The following PIEZO2 variants were observed in gnomAD, a reference collection of about 807,000 sequenced individuals.
PIEZO2 encodes piezo type mechanosensitive ion channel component 2.
A neutral mutation model predicts 337.3 loss-of-function variants in PIEZO2; 172 were observed. The observed-to-expected ratio is 0.51, with a 90% confidence interval of 0.45 to 0.58. PIEZO2 has a LOEUF of 0.58. Ranked by LOEUF, PIEZO2 falls within the 20% of genes least tolerant of loss-of-function variation. PIEZO2 has a pLI of 0.00. For missense variants in PIEZO2, 3,028 were observed against 3,391.3 expected (o/e 0.89, Z 2.66); for synonymous variants, 1,251 against 1,228.5 (o/e 1.02, Z -0.38).
intron 12 of PIEZO2, among the ~76,000 whole-genome samples, chr18:10,796,927 T>C (rs983566896): frequency 3.9e-5 from 6 of 152,180 alleles, no homozygotes; most frequent in Non-Finnish European, 8.8e-5. Flanking sequence ...CCATCATATA[T>C]GTACTATCAT....
chr18:10,721,538 T>C (rs1376994057), intron 36 of PIEZO2, among the ~76,000 whole-genome samples: 1 of 151,740 alleles, frequency 6.6e-6, no homozygotes, highest in Non-Finnish European at 1.5e-5. Context: ...GATCCAAACA[T>C]TCCGGAAGGA....
chr18:10,691,782 C>CATATATAT (rs33977962), intron 47 of PIEZO2, among the ~76,000 whole-genome samples: 6 of 96,588 alleles, frequency 6.2e-5, no homozygotes, highest in Admixed American at 1.1e-4. Flanking sequence ...CACACACACA[C>CATATATAT]ATATATATAT....
chr18:11,106,814 G>A (rs1344962884), intron 1 of PIEZO2, among the ~76,000 whole-genome samples: 5 of 150,626 alleles, frequency 3.3e-5, no homozygotes, highest in Non-Finnish European at 7.4e-5. Context: ...AAACCTCCTT[G>A]GAAAGAAATG....
chr18:11,108,539 G>A lies in PIEZO2; in HGVS notation c.64+39986C>T, dbSNP rs866144956. Among the ~76,000 whole-genome samples, 50 of 149,674 alleles carry A rather than the reference G, an allele frequency of 3.3e-4. 1 individual carries two copies. The South Asian group carries it at 1.0e-2, about 30-fold the overall frequency. On this transcript the variant is annotated intron_variant, in intron 1 of 55. Coordinates refer to ENST00000674853, the MANE Select transcript of PIEZO2 (RefSeq NM_001378183.1). ...TGAGGCAGGAGAATGGCTTGAACCC[G>A]GGAGGCGGAGTTTGCAGTGAGCTGA...
chr18:11,009,064 T>C lies in PIEZO2; in HGVS notation c.161-29404A>G, dbSNP rs1179522734. Among the ~76,000 whole-genome samples the C allele has an allele frequency of 2.6e-5, 4 of 152,232 alleles. No homozygotes were observed. The highest frequency in any genetic ancestry group is 7.2e-5 in the African/African-American group (3 of 41,460). ...GTCTTGAAGATTGAATTCTGTTACT[T>C]AACTACGTACGTGATTGTGTTCAAA... is the stretch of plus-strand genomic sequence containing the variant. On this transcript the variant is annotated intron_variant, in intron 2 of 55. Transcript: ENST00000674853. The surrounding 1 kb of genome is among the most constrained non-coding windows in gnomAD (Gnocchi z 4.6).
intron 42 of PIEZO2, among the ~76,000 whole-genome samples, chr18:10,703,050 T>C (rs56103852): frequency 0.3 from 44,945 of 152,032 alleles, 6,825 homozygotes; most frequent in East Asian, 0.4. Flanking sequence ...AATGGGGTCG[T>C]GCTATGTTGC....
At position 10,903,018 on chromosome 18, in the gene PIEZO2, C is replaced by A. The variant is rs553200361; in HGVS notation, c.329+8168G>T. Among the ~76,000 whole-genome samples, 16 of 152,212 alleles carry A rather than the reference C, an allele frequency of 1.1e-4. No individual in the cohort carries two copies. In the South Asian group the frequency reaches 3.3e-3, roughly 32 times the overall value. On this transcript the variant is annotated intron_variant, in intron 4 of 55. Transcript: ENST00000674853. This position sits in a 1 kb window ranked among gnomAD's most constrained non-coding sequence, Gnocchi z 4.1. ...ACTGATGGGCAACAGGGCTTTTATC[C>A]CCAGCCTTTCCAGGCTGCCCCGGGG...
chr18:10,707,565 T>C lies in PIEZO2; in HGVS notation c.5588+710A>G, dbSNP rs1398868680. 6.6e-6 allele frequency among the ~76,000 whole-genome samples: 1 copy of C among 152,208 alleles called. No homozygotes were observed. Among genetic ancestry groups the C allele is most frequent in the Non-Finnish European group, 1.5e-5 (1 of 68,030 alleles). ...CACAGTGTAGCTGCTGACTTCATTG[T>C]GCCCCCTCACCATCCTAAGGCAATT... On this transcript the variant is annotated intron_variant, in intron 40 of 55. Coordinates refer to ENST00000674853, the MANE Select transcript of PIEZO2 (RefSeq NM_001378183.1). The surrounding 1 kb of genome is among the most constrained non-coding windows in gnomAD (Gnocchi z 4.2).
intron 3 of PIEZO2, among the ~76,000 whole-genome samples, chr18:10,974,816 G>A (rs1308234834): frequency 1.3e-5 from 2 of 152,204 alleles, no homozygotes; most frequent in African/African-American, 2.4e-5. Context: ...ATAGCCCTCC[G>A]TGGCAAGGTT....
At chr18:10,879,139 A>ACT (rs1322507882) in intron 4 of PIEZO2, among the ~76,000 whole-genome samples, 1 of 152,226 alleles carries the variant, frequency 6.6e-6, no homozygotes, top group Non-Finnish European at 1.5e-5. Context: ...ATAAGTATAC[A>ACT]CTACAGGGCA....
chr18:11,074,892 T>C (rs1322902178), intron 1 of PIEZO2, among the ~76,000 whole-genome samples: 4 of 152,206 alleles, frequency 2.6e-5, no homozygotes, highest in African/African-American at 7.2e-5. Context: ...TTTTAGATTA[T>C]GCTATTAAAG....
chr18:10,771,864 GGTCA>G (rs2038614678), intron 20 of PIEZO2, among the ~76,000 whole-genome samples: 1 of 152,136 alleles, frequency 6.6e-6, no homozygotes, highest in African/African-American at 2.4e-5. Flanking sequence ...CCTGCCCAGT[GGTCA>G]GTCAATTAAT....
chr18:10,837,131 A>G lies in PIEZO2; in HGVS notation c.917+18222T>C, dbSNP rs113208794. Reference sequence around the variant, plus strand: ...ACAGGGATTGCTCACAACTCTTTCCATGCCAAGAAGCATGTGAGGAGGAGG... The same window carrying G: ...ACAGGGATTGCTCACAACTCTTTCCGTGCCAAGAAGCATGTGAGGAGGAGG... On this transcript the variant is annotated intron_variant, in intron 7 of 55. Coordinates refer to ENST00000674853, the MANE Select transcript of PIEZO2 (RefSeq NM_001378183.1). This position sits in a 1 kb window ranked among gnomAD's most constrained non-coding sequence, Gnocchi z 4.4. 0.027 allele frequency among the ~76,000 whole-genome samples: 4,122 copies of G among 152,288 alleles called. 201 individuals carry two copies. Among genetic ancestry groups the G allele is most frequent in the African/African-American group, 0.094 (3,905 of 41,556 alleles).
chr18:10,721,532 C>T (rs904787100), intron 36 of PIEZO2, among the ~76,000 whole-genome samples: 8 of 151,890 alleles, frequency 5.3e-5, no homozygotes, highest in South Asian at 2.1e-4. Flanking sequence ...TGTTCTGATC[C>T]AAACATTCCG....
At chr18:10,761,325 T>C (rs542028383) in intron 23 of PIEZO2, among the ~76,000 whole-genome samples, 32 of 152,370 alleles carry the variant, frequency 2.1e-4, no homozygotes, top group South Asian at 8.3e-4. Context: ...TCATAGGATC[T>C]AGAATCTCCA....
rs1325448077 is a variant in PIEZO2, at chr18:11,035,301, TTCTCTCTCTCTCCCTCTCTCTC to T, written c.160+30804_160+30825del. Among the ~76,000 whole-genome samples, 1 of 138,812 alleles carries T rather than the reference TTCTCTCTCTCTCCCTCTCTCTC, an allele frequency of 7.2e-6. No homozygotes were observed. Among genetic ancestry groups the T allele is most frequent in the African/African-American group, 2.9e-5 (1 of 34,580 alleles). The allele number at this position is 138,812 out of a possible 152,430, so 91.1% of individuals were successfully genotyped here. A position where few individuals can be genotyped will look rare whatever the true frequency, so the allele number is the denominator to read the frequency against. ...CTGGTTGTTTAAAAAGCCTGGCACC[TTCTCTCTCTCTCCCTCTCTCTC>T]TCTCTCTCTCTTTCTCTCTCTCTCA... On this transcript the variant is annotated intron_variant, in intron 2 of 55. Coordinates refer to ENST00000674853, the MANE Select transcript of PIEZO2 (RefSeq NM_001378183.1). This position sits in a 1 kb window ranked among gnomAD's most constrained non-coding sequence, Gnocchi z 4.3.
Position 10,937,663 on chromosome 18 carries a change from TC to T in PIEZO2, c.287-26436del, listed in dbSNP as rs138249390. Among the ~76,000 whole-genome samples the T allele has an allele frequency of 4.5e-3, 678 of 152,304 alleles. 1 individual carries two copies. Among genetic ancestry groups the T allele is most frequent in the Non-Finnish European group, 8.0e-3 (546 of 68,026 alleles). ...CCACAAAATTGGATTTTTTCTTCATTCCTCTCATTCCCCTAATGCTTTGTCT... is the reference window on the plus strand; with the variant it reads ...CCACAAAATTGGATTTTTTCTTCATTCTCTCATTCCCCTAATGCTTTGTCT... On this transcript the variant is annotated intron_variant, in intron 3 of 55. Transcript: ENST00000674853.
At chr18:11,135,356 T>C (rs2040451523) in intron 1 of PIEZO2, among the ~76,000 whole-genome samples, 1 of 152,098 alleles carries the variant, frequency 6.6e-6, no homozygotes, top group Non-Finnish European at 1.5e-5. Context: ...TGGTGGGGAA[T>C]GTACAAGATC....
At chr18:10,789,475 A>T in intron 14 of PIEZO2, 110 bp from the exon 15 acceptor site, 1 of 1,282,196 alleles carries the variant, frequency 7.8e-7, no homozygotes, top group Non-Finnish European at 1.0e-6. Context: ...AAGTTATTGT[A>T]TAATTTGGAT....
Sources: allele counts gnomAD v4.1 joint callset (sites outside exome capture counted in the v4.1 genomes callset), GRCh38; gene constraint gnomAD v4.1.1; non-coding constraint Gnocchi (gnomAD v3.1); transcripts MANE v1.5; gene names NCBI Gene and HGNC (gene_info 2026-07-23, HGNC 2026-07-21).